The following DPH6 variants were observed in gnomAD, a reference collection of about 807,000 sequenced individuals.
DPH6 encodes diphthamine biosynthesis 6, also known as diphthine--ammonia ligase.
Under a neutral mutation model 38.2 loss-of-function variants are expected in DPH6, and 33 were observed. That is an observed-to-expected ratio of 0.86 (90% CI 0.65 to 1.15). The LOEUF (loss-of-function observed/expected upper bound fraction) is 1.15. Ranked by LOEUF, DPH6 falls within the 50% of genes most tolerant of loss-of-function variation. The pLI is 0.00. For synonymous variants in DPH6, 108 were observed against 103.0 expected, an observed-to-expected ratio of 1.05 and a Z score of -0.30; for missense variants, 325 against 320.0, an observed-to-expected ratio of 1.02 and a Z score of -0.12.
intron 5 of DPH6, among the ~76,000 whole-genome samples, chr15:35,443,880 T>C (rs2053818646): frequency 6.6e-6 from 1 of 152,184 alleles, no homozygotes; most frequent in African/African-American, 2.4e-5. Context: ...AAAATAAATA[T>C]GAAGTTGAGT....
chr15:35,234,026 A>AC (rs1262471850), intron 3 of DPH6, among the ~76,000 whole-genome samples: 5 of 151,982 alleles, frequency 3.3e-5, no homozygotes. Flanking sequence ...ATGGCCCCCA[A>AC]CCCCCCACAG....
At chr15:35,234,999 A>G (rs933706134) in intron 3 of DPH6, among the ~76,000 whole-genome samples, 6 of 152,240 alleles carry the variant, frequency 3.9e-5, no homozygotes, top group Admixed American at 6.5e-5. Flanking sequence ...AAATCAAAAT[A>G]TTCTTAACTG....
chr15:35,422,212 T>C (rs2053514645), intron 5 of DPH6, among the ~76,000 whole-genome samples: 1 of 151,928 alleles, frequency 6.6e-6, no homozygotes, highest in Non-Finnish European at 1.5e-5. Context: ...TGTATTTAAG[T>C]TTCCCATGAA....
intron 6 of DPH6, among the ~76,000 whole-genome samples, chr15:35,391,127 G>A (rs1015482066): frequency 1.3e-5 from 2 of 152,150 alleles, no homozygotes; most frequent in Non-Finnish European, 2.9e-5. Context: ...TATTTGCCTG[G>A]GTATCAGCAG....
At chr15:35,239,100 G>A (rs1311727701) in intron 3 of DPH6, among the ~76,000 whole-genome samples, 1 of 143,922 alleles carries the variant, frequency 6.9e-6, no homozygotes, top group African/African-American at 2.5e-5. Flanking sequence ...CCTCCCTTGG[G>A]AGATCAATCC....
intron 3 of DPH6, among the ~76,000 whole-genome samples, chr15:35,272,515 A>G (rs1023490803): frequency 6.6e-6 from 1 of 152,096 alleles, no homozygotes; most frequent in African/African-American, 2.4e-5. Flanking sequence ...CCAAACACCC[A>G]TGGTGTTTGG....
At chr15:35,480,036 T>A (rs1241793741) in intron 3 of DPH6, among the ~76,000 whole-genome samples, 1 of 152,012 alleles carries the variant, frequency 6.6e-6, no homozygotes, top group Admixed American at 6.6e-5. Flanking sequence ...GTGAAAACAT[T>A]ATGCTTTGTT....
downstream of DPH6, among the ~76,000 whole-genome samples, chr15:35,215,625 G>GT (rs1457475439): frequency 1.3e-5 from 2 of 152,166 alleles, no homozygotes; most frequent in Non-Finnish European, 2.9e-5. Context: ...CTGGCTTCAA[G>GT]TAATCTTCCT....
chr15:35,492,052 A>C (rs540576452), intron 3 of DPH6, among the ~76,000 whole-genome samples: 1 of 152,226 alleles, frequency 6.6e-6, no homozygotes, highest in South Asian at 2.1e-4. Flanking sequence ...CAAGTGGATT[A>C]GTTTGAAGGC....
intron 3 of DPH6, among the ~76,000 whole-genome samples, chr15:35,484,579 C>G (rs1435915901): frequency 6.6e-6 from 1 of 152,232 alleles, no homozygotes. Context: ...TGGACCCCTC[C>G]ATCGGGAAGC....
At chr15:35,328,346 T>C (rs967641007), downstream of DPH6, among the ~76,000 whole-genome samples, 7 of 152,142 alleles carry the variant, frequency 4.6e-5, no homozygotes, top group Non-Finnish European at 1.0e-4. Flanking sequence ...TGTATTTCTT[T>C]CTCTTTCCCT....
chr15:35,338,858 A>G (rs543906228), intron 3 of DPH6, among the ~76,000 whole-genome samples: 8 of 152,354 alleles, frequency 5.3e-5, no homozygotes, highest in Admixed American at 3.9e-4. Flanking sequence ...AGCCATAAAA[A>G]ATGATGAGTT....
chr15:35,477,348 C>T (rs1430543909), intron 3 of DPH6, among the ~76,000 whole-genome samples: 3 of 151,588 alleles, frequency 2.0e-5, no homozygotes, highest in Non-Finnish European at 3.0e-5. Flanking sequence ...GGAGTTGTTG[C>T]ACTTTGTTAT....
chr15:35,399,429 T>C (rs2053188971), intron 6 of DPH6, among the ~76,000 whole-genome samples: 1 of 151,974 alleles, frequency 6.6e-6, no homozygotes. Flanking sequence ...TAAAGAAGAA[T>C]TTATAGAGTA....
chr15:35,213,529 A>C (rs1212435605), downstream of DPH6, among the ~76,000 whole-genome samples: 2 of 152,206 alleles, frequency 1.3e-5, no homozygotes, highest in Non-Finnish European at 2.9e-5. Flanking sequence ...TTAAGGCCAT[A>C]GCAGGCTTTT....
chr15:35,352,098 A>G (rs1434002204), intron 3 of DPH6, among the ~76,000 whole-genome samples: 1 of 152,138 alleles, frequency 6.6e-6, no homozygotes, highest in Non-Finnish European at 1.5e-5. Context: ...TCTGTTTTCT[A>G]ATTTATGTAA....
intron 5 of DPH6, among the ~76,000 whole-genome samples, chr15:35,426,813 T>G (rs2053575333): frequency 6.6e-6 from 1 of 150,822 alleles, no homozygotes; most frequent in Non-Finnish European, 1.5e-5. Flanking sequence ...CCATGAGAGA[T>G]ATATATACTG....
intron 7 of DPH6, among the ~76,000 whole-genome samples, chr15:35,378,014 C>T (rs756610197): frequency 7.2e-5 from 11 of 151,846 alleles, no homozygotes; most frequent in Admixed American, 4.6e-4. Flanking sequence ...TGATTACAGG[C>T]GTGAGCCACT....
the DPH6 span, among the ~76,000 whole-genome samples, chr15:35,195,891 A>G: frequency 6.6e-6 from 1 of 151,916 alleles, no homozygotes. Context: ...TTCTGTAGCT[A>G]TCTACGGGAA....
Sources: allele counts gnomAD v4.1 joint callset (sites outside exome capture counted in the v4.1 genomes callset), GRCh38; gene constraint gnomAD v4.1.1; transcripts MANE v1.5; gene names NCBI Gene and HGNC (gene_info 2026-07-23, HGNC 2026-07-21).